Variants in RNF216 observed in about 807,000 individuals in gnomAD.
The protein encoded by RNF216 is E3 ubiquitin-protein ligase RNF216.
In RNF216, 72 loss-of-function variants were observed where a neutral mutation model predicts 110.8. The observed-to-expected ratio is 0.65, with a 90% CI of 0.54 to 0.79. The LOEUF (loss-of-function observed/expected upper bound fraction) is 0.79. RNF216 is among the 30% of genes least tolerant of loss of function. RNF216 has a pLI of 0.00. For synonymous variants in RNF216, 495 were observed against 407.5 expected (o/e 1.21, Z -2.59); for missense variants, 1,342 against 1,141.2 (o/e 1.18, Z -2.54).
At chr7:5,739,027 G>A in intron 5 of RNF216, among the ~76,000 whole-genome samples, 1 of 152,190 alleles carries the variant, frequency 6.6e-6, no homozygotes, top group Non-Finnish European at 1.5e-5. Context: ...CATATAGAAA[G>A]AAAGTAGGAT....
intron 13 of RNF216, among the ~76,000 whole-genome samples, chr7:5,670,699 G>T (rs1265968483): frequency 6.6e-6 from 1 of 152,130 alleles, no homozygotes; most frequent in Non-Finnish European, 1.5e-5. Flanking sequence ...CAGCTAAGGT[G>T]GTGTAACTGG....
At chr7:5,743,976 A>G (rs1794903791) in intron 3 of RNF216, among the ~76,000 whole-genome samples, 1 of 152,222 alleles carries the variant, frequency 6.6e-6, no homozygotes, top group Non-Finnish European at 1.5e-5. Context: ...TTTCATATAC[A>G]ATGACTTACA....
intron 1 of RNF216, among the ~76,000 whole-genome samples, chr7:5,772,516 A>G (rs546429941): frequency 2.8e-4 from 43 of 151,922 alleles, no homozygotes; most frequent in African/African-American, 1.0e-3. Flanking sequence ...AAGCGATTCA[A>G]TCCTTTCCTT....
intron 7 of RNF216, among the ~76,000 whole-genome samples, chr7:5,726,969 G>C (rs1409961917): frequency 6.6e-6 from 1 of 152,134 alleles, no homozygotes; most frequent in Non-Finnish European, 1.5e-5. Context: ...CATTCCGCCT[G>C]CAAGAGAAGA....
intron 13 of RNF216, among the ~76,000 whole-genome samples, chr7:5,657,872 G>C (rs1483351854): frequency 6.6e-6 from 1 of 152,176 alleles, no homozygotes; most frequent in African/African-American, 2.4e-5. Flanking sequence ...TAGATTCAGT[G>C]AACTTTCTTT....
At position 5,773,494 on chromosome 7, in the gene RNF216, G is replaced by GGGAAA. The variant is rs376681189; in HGVS notation, c.-70+8046_-70+8047insTTTCC. ...CTGACCTCGTGATTTCCCCGCCTTG[G>GGGAAA]TCTCCCAAAGTGCTGAGATTACAGG... is the stretch of plus-strand genomic sequence containing the variant. On this transcript the variant is annotated intron_variant, in intron 1 of 16. Transcript: ENST00000389902. 3.6e-4 allele frequency among the ~76,000 whole-genome samples: 54 copies of GGGAAA among 151,918 alleles called. No individual in the cohort carries two copies. In the East Asian group the frequency reaches 0.01, roughly 29 times the overall value.
intron 14 of RNF216, among the ~76,000 whole-genome samples, chr7:5,642,037 AAAAAAAAAG>A (rs1310877243): frequency 2.7e-5 from 4 of 145,600 alleles, no homozygotes; most frequent in African/African-American, 1.1e-4. Flanking sequence ...TATCTTAAAA[AAAAAAAAAG>A]AAAAAAAAAA....
chr7:5,697,955 T>C (rs1791730695), intron 13 of RNF216, among the ~76,000 whole-genome samples: 2 of 152,076 alleles, frequency 1.3e-5, no homozygotes, highest in South Asian at 4.1e-4. Flanking sequence ...GCGGAAGAAA[T>C]TGTGATCTAT....
chr7:5,716,866 C>A, intron 9 of RNF216, 100 bp from the exon 10 acceptor site: 1 of 891,288 alleles, frequency 1.1e-6, no homozygotes. Context: ...GTATTGCGAT[C>A]TCTTCAATTA....
At chr7:5,688,282 G>A (rs1791111099) in intron 13 of RNF216, among the ~76,000 whole-genome samples, 1 of 152,072 alleles carries the variant, frequency 6.6e-6, no homozygotes, top group Non-Finnish European at 1.5e-5. Context: ...ATTGAGCCAA[G>A]GTAAAACCTG....
At chr7:5,627,715 C>G (rs2128557189) in intron 15 of RNF216, among the ~76,000 whole-genome samples, 1 of 151,768 alleles carries the variant, frequency 6.6e-6, no homozygotes, top group Non-Finnish European at 1.5e-5. Context: ...CCACTGCACT[C>G]CAGCCTGGCG....
chr7:5,752,887 G>A lies in RNF216; in HGVS notation c.160C>T (p.His54Tyr). The A allele has an allele frequency of 1.9e-6, 3 of 1,612,614 alleles. No homozygotes were observed. The highest frequency in any genetic ancestry group is 2.5e-6 in the Non-Finnish European group (3 of 1,179,426). Residue 54 changes from histidine to tyrosine, a missense_variant, in exon 3 of 17, where the codon CAT becomes TAT. By Grantham distance (83) the His-to-Tyr change is moderately conservative. Transcript: ENST00000389902. ...TCATCATCCAGGTCCTCTTCTTCATGCTGCTGAGGAGCTGGGGTGACCAGC... is the reference window on the plus strand; with the variant it reads ...TCATCATCCAGGTCCTCTTCTTCATACTGCTGAGGAGCTGGGGTGACCAGC... ...PMLVTPAPQQ[H>Y]EEEDLDDDVI...
intron 13 of RNF216, among the ~76,000 whole-genome samples, chr7:5,700,085 G>A (rs1199289833): frequency 9.2e-5 from 14 of 152,032 alleles, no homozygotes; most frequent in Non-Finnish European, 2.9e-5. Context: ...CACATTCCCC[G>A]CCCTGACACA....
intron 15 of RNF216, among the ~76,000 whole-genome samples, chr7:5,639,039 G>C (rs1008777306): frequency 6.6e-6 from 1 of 152,162 alleles, no homozygotes; most frequent in African/African-American, 2.4e-5. Flanking sequence ...TTCCTCCACA[G>C]ACATTCTGGC....
At chr7:5,682,552 T>C (rs1442611812) in intron 13 of RNF216, among the ~76,000 whole-genome samples, 2 of 151,868 alleles carry the variant, frequency 1.3e-5, no homozygotes, top group Non-Finnish European at 2.9e-5. Flanking sequence ...GGACTACAGG[T>C]GCCCACCACC....
In RNF216 at chr7:5,624,052, T is replaced by C; in HGVS notation, c.2452+4A>G. 1.2e-6 allele frequency: 2 copies of C among 1,612,992 alleles called. No individual in the cohort carries two copies. Among genetic ancestry groups the C allele is most frequent in the Non-Finnish European group, 1.7e-6 (2 of 1,179,594 alleles). On this transcript the variant is annotated splice_donor_region_variant and intron_variant, in intron 16 of 16. Coordinates refer to ENST00000389902, the MANE Select transcript of RNF216 (RefSeq NM_207111.4). This position sits in a 1 kb window ranked among gnomAD's most constrained non-coding sequence, Gnocchi z 4.4. ...GTCCTGGGGGCCTGGGGAGGGGCAC[T>C]TGCCTCCATTCTTTCTTTTCTGTTC...
intron 11 of RNF216, among the ~76,000 whole-genome samples, chr7:5,714,144 G>A (rs1180372939): frequency 6.6e-6 from 1 of 152,134 alleles, no homozygotes; most frequent in Admixed American, 6.5e-5. Context: ...TGTATTTTTA[G>A]CAGAGATGGG....
intron 15 of RNF216, among the ~76,000 whole-genome samples, chr7:5,630,678 C>T (rs1379831496): frequency 6.6e-6 from 1 of 152,178 alleles, no homozygotes; most frequent in South Asian, 2.1e-4. Context: ...CAGGTGTGAG[C>T]CACTGCACCT....
chr7:5,735,228 G>A (rs1217084546), intron 5 of RNF216, among the ~76,000 whole-genome samples: 9 of 152,292 alleles, frequency 5.9e-5, no homozygotes, highest in Non-Finnish European at 1.3e-4. Context: ...AACTGACACT[G>A]CCCTTGGGGA....
Sources: allele counts gnomAD v4.1 joint callset (sites outside exome capture counted in the v4.1 genomes callset), GRCh38; gene constraint gnomAD v4.1.1; non-coding constraint Gnocchi (gnomAD v3.1); transcripts MANE v1.5; gene names NCBI Gene and HGNC (gene_info 2026-07-23, HGNC 2026-07-21).